TULP4: variants seen among roughly 807,000 people sequenced by gnomAD.
TULP4 encodes TUB like protein 4, also known as tubby-related protein 4.
Under a neutral mutation model 129.0 loss-of-function variants are expected in TULP4, and 16 were observed. That is an observed-to-expected ratio of 0.12 (90% CI 0.08 to 0.19). The LOEUF is 0.19. Ranked by LOEUF, TULP4 falls within the 10% of genes least tolerant of loss-of-function variation. TULP4 has a pLI of 1.00. For missense variants in TULP4, 1,842 were observed against 2,059.1 expected (o/e 0.89, Z 2.04); for synonymous variants, 998 against 854.0 (o/e 1.17, Z -2.94).
chr6:158,254,302 C>G (rs1253849072), intron 1 of TULP4, among the ~76,000 whole-genome samples: 2 of 147,166 alleles, frequency 1.4e-5, no homozygotes, highest in African/African-American at 4.9e-5. Flanking sequence ...GCCACCATGC[C>G]TGGCTAATTT....
chr6:158,458,127 T>A (rs769550642), intron 5 of TULP4, among the ~76,000 whole-genome samples: 2 of 152,204 alleles, frequency 1.3e-5, no homozygotes, highest in Non-Finnish European at 2.9e-5. Context: ...AAACAGTAGC[T>A]GCAATATATA....
chr6:158,302,054 C>T (rs531711637), intron 1 of TULP4, among the ~76,000 whole-genome samples: 2 of 152,286 alleles, frequency 1.3e-5, no homozygotes, highest in African/African-American at 2.4e-5. Flanking sequence ...GCCTCTTTAA[C>T]ACAATGGCTC....
At chr6:158,483,786 A>G (rs1268492306) in intron 8 of TULP4, among the ~76,000 whole-genome samples, 1 of 152,192 alleles carries the variant, frequency 6.6e-6, no homozygotes, top group Non-Finnish European at 1.5e-5. Flanking sequence ...GGTGGGGCCT[A>G]CAAACATGCG....
At chr6:158,430,319 T>C (rs1179428676) in intron 3 of TULP4, among the ~76,000 whole-genome samples, 1 of 71,200 alleles carries the variant, frequency 1.4e-5, no homozygotes, top group African/African-American at 6.2e-5. Context: ...ATCAAAAAAT[T>C]ATAAGCAATT....
chr6:158,427,161 A>G (rs1326923423), intron 2 of TULP4, among the ~76,000 whole-genome samples: 1 of 152,212 alleles, frequency 6.6e-6, no homozygotes, highest in East Asian at 1.9e-4. Context: ...GGAATGAACT[A>G]CTGACACACG....
chr6:158,368,066 C>CAAAAAAAAAAAA lies in TULP4; in HGVS notation c.253-44988_253-44977dup, dbSNP rs3085241. 5.5e-3 allele frequency among the ~76,000 whole-genome samples: 359 copies of CAAAAAAAAAAAA among 65,002 alleles called. 24 individuals are homozygous for CAAAAAAAAAAAA. The highest frequency in any genetic ancestry group is 8.4e-3 in the Non-Finnish European group (290 of 34,456). The allele number at this position is 65,002 out of a possible 152,430, so 42.6% of individuals were successfully genotyped here. On this transcript the variant is annotated intron_variant, in intron 1 of 13. Transcript: ENST00000367097. The stretch of plus-strand genomic sequence containing the variant: ...ACTCCAGCCTGGGTGACCCTGTCTC[C>CAAAAAAAAAAAA]AAAAAAAAAAAAAAAAAAAAAAGGA...
chr6:158,239,062 C>T (rs1339252351), intron 1 of TULP4, among the ~76,000 whole-genome samples: 1 of 127,394 alleles, frequency 7.8e-6, no homozygotes. Flanking sequence ...GGGGGCTGAC[C>T]CCCCCACCTC....
intron 8 of TULP4, among the ~76,000 whole-genome samples, chr6:158,486,484 C>T (rs1196487065): frequency 2.6e-5 from 4 of 151,768 alleles, no homozygotes; most frequent in African/African-American, 9.7e-5. Context: ...ACCTGGGAGG[C>T]GGAGCTTGCA....
At chr6:158,235,134 C>T (rs1406117604) in intron 1 of TULP4, among the ~76,000 whole-genome samples, 1 of 151,630 alleles carries the variant, frequency 6.6e-6, no homozygotes, top group Non-Finnish European at 1.5e-5. Context: ...GCAGAGGTTG[C>T]ACCACTGCAC....
At chr6:158,364,305 C>T (rs1583798081) in intron 1 of TULP4, among the ~76,000 whole-genome samples, 2 of 152,130 alleles carry the variant, frequency 1.3e-5, no homozygotes, top group East Asian at 3.8e-4. Flanking sequence ...ACTTGGGAGT[C>T]AACATGCCAA....
chr6:158,503,516 T>G lies in TULP4; in HGVS notation c.3853T>G (p.Leu1285Val), dbSNP rs767353746. ...GGGCACTCTCCCCCCAAAGCCACAC[T>G]TGGTGGTGGAGAAGCCCCTTGTGTC... ...PQGTLPPKPH[L>V]VVEKPLVSPP... Residue 1285 changes from leucine to valine, a missense_variant, in exon 13 of 14, where the codon TTG becomes GTG. By Grantham distance (32) the Leu-to-Val change is conservative. Coordinates refer to ENST00000367097, the MANE Select transcript of TULP4 (RefSeq NM_020245.5). This position sits in a 1 kb window ranked among gnomAD's most constrained non-coding sequence, Gnocchi z 4.3. The G allele has an allele frequency of 1.2e-6, 2 of 1,613,938 alleles. No individual in the cohort carries two copies. The highest frequency in any genetic ancestry group is 1.7e-6 in the Non-Finnish European group (2 of 1,180,006).
At chr6:158,330,523 C>T (rs549511030) in intron 1 of TULP4, among the ~76,000 whole-genome samples, 1 of 152,308 alleles carries the variant, frequency 6.6e-6, no homozygotes, top group African/African-American at 2.4e-5. Flanking sequence ...GTAAGGTGTT[C>T]TTCCCCCCTG....
rs768087213 is a variant in TULP4, at chr6:158,501,916, C to T, written c.2253C>T (p.Ser751=). The T allele has an allele frequency of 1.2e-6, 2 of 1,614,140 alleles. No individual in the cohort carries two copies. The highest frequency in any genetic ancestry group is 1.1e-5 in the South Asian group (1 of 91,088). The part of the protein sequence containing the change: ...ATQYPVSNRY[S]NPGQVIFGSV... ...AGTACCCAGTCTCCAACCGGTACTC[C>T]AATCCTGGACAGGTGATTTTCGGAA... Residue 751 remains serine (S), a synonymous_variant, in exon 13 of 14, where the codon TCC becomes TCT. Coordinates refer to ENST00000367097, the MANE Select transcript of TULP4 (RefSeq NM_020245.5).
At chr6:158,262,139 C>T (rs1447695506) in intron 1 of TULP4, among the ~76,000 whole-genome samples, 1 of 152,158 alleles carries the variant, frequency 6.6e-6, no homozygotes, top group African/African-American at 2.4e-5. Flanking sequence ...GGAAAGGGTG[C>T]ACCTCCATGC....
chr6:158,277,380 C>T (rs1016904440), upstream of TULP4, among the ~76,000 whole-genome samples: 1 of 152,176 alleles, frequency 6.6e-6, no homozygotes, highest in Non-Finnish European at 1.5e-5. Context: ...GGTGTTGCAG[C>T]CCAAGTACAT....
chr6:158,238,412 A>AT, intron 1 of TULP4: 22 of 424,758 alleles, frequency 5.2e-5, no homozygotes, highest in Non-Finnish European at 7.3e-5. Context: ...GCCTTGTTAA[A>AT]TTGTTTTTTT....
intron 1 of TULP4, among the ~76,000 whole-genome samples, chr6:158,316,870 T>C (rs1235568064): frequency 6.6e-6 from 1 of 152,242 alleles, no homozygotes; most frequent in African/African-American, 2.4e-5. Context: ...CCTCCGGTCT[T>C]AGAGGCCCTC....
At chr6:158,241,261 G>T (rs1777901293) in intron 1 of TULP4, among the ~76,000 whole-genome samples, 2 of 125,492 alleles carry the variant, frequency 1.6e-5, no homozygotes, top group South Asian at 5.2e-4. Context: ...TCACTTTCCA[G>T]ACTGGGCAGC....
intron 1 of TULP4, among the ~76,000 whole-genome samples, chr6:158,401,980 T>C (rs1487418972): frequency 6.6e-6 from 1 of 152,204 alleles, no homozygotes. Flanking sequence ...GCACTAGCTC[T>C]ACAAATAAGT....
Sources: gnomAD v4.1 joint callset for allele counts (sites outside exome capture counted in the v4.1 genomes callset) on GRCh38, gnomAD v4.1.1 for gene constraint, Gnocchi (gnomAD v3.1) non-coding constraint, MANE v1.5 for transcripts, NCBI Gene and HGNC (gene_info 2026-07-23, HGNC 2026-07-21) for gene names.